COL27A1: variants seen among roughly 807,000 people sequenced by gnomAD.
COL27A1 encodes the protein collagen alpha-1(XXVII) chain.
Under a neutral mutation model 251.3 loss-of-function variants are expected in COL27A1, and 106 were observed. That is an observed-to-expected ratio of 0.42 (90% confidence interval 0.36 to 0.50). The LOEUF (loss-of-function observed/expected upper bound fraction) is 0.50, where lower values mean the gene tolerates loss of function less well. COL27A1 is among the 20% of genes least tolerant of loss of function. The pLI, the probability that COL27A1 is intolerant of heterozygous loss-of-function variation, is 0.00. For missense variants in COL27A1, 2,325 were observed against 2,522.8 expected (o/e 0.92, Z 1.68); for synonymous variants, 1,000 against 986.3 (o/e 1.01, Z -0.26).
chr9:114,289,169 C>CCCGGGG, intron 44 of COL27A1, 73 bp from the exon 45 acceptor site: 1 of 1,441,828 alleles, frequency 6.9e-7, no homozygotes, highest in Non-Finnish European at 9.5e-7. Context: ...CCTCCCCCTC[C>CCCGGGG]AGGCGGAGAC....
intron 2 of COL27A1, among the ~76,000 whole-genome samples, chr9:114,164,747 G>T (rs760835033): frequency 6.6e-6 from 1 of 152,202 alleles, no homozygotes; most frequent in African/African-American, 2.4e-5. Context: ...ATGATAATAA[G>T]AGGGTTTCAG....
Position 114,198,238 on chromosome 9 carries a change from T to C in COL27A1, c.2124+2226T>C, listed in dbSNP as rs1588639320. Among the ~76,000 whole-genome samples the C allele has an allele frequency of 2.0e-5, 3 of 152,358 alleles. 1 individual carries two copies. The South Asian group carries it at 6.2e-4, about 32-fold the overall frequency. ...TGAATGCCTATAATGTGCCAGCCAC[T>C]GAGCTGAATGGACAAAAATCCCTGC... is the stretch of plus-strand genomic sequence containing the variant. On this transcript the variant is annotated intron_variant, in intron 7 of 60. Coordinates refer to ENST00000356083, the MANE Select transcript of COL27A1 (RefSeq NM_032888.4).
At chr9:114,298,033 G>A (rs1828372350) in intron 49 of COL27A1, among the ~76,000 whole-genome samples, 1 of 151,858 alleles carries the variant, frequency 6.6e-6, no homozygotes, top group Non-Finnish European at 1.5e-5. Flanking sequence ...GGGCATGGTG[G>A]CATGTGCCTA....
At chr9:114,299,155 T>C (rs907654483) in intron 49 of COL27A1, among the ~76,000 whole-genome samples, 2 of 152,194 alleles carry the variant, frequency 1.3e-5, no homozygotes, top group Admixed American at 6.5e-5. Flanking sequence ...CCATCAGCAC[T>C]GGGTCTTGAC....
chr9:114,269,443 C>G, intron 35 of COL27A1, 149 bp downstream of exon 35: 1 of 552,348 alleles, frequency 1.8e-6, no homozygotes, highest in South Asian at 2.8e-5. Context: ...CCCAGTCTCT[C>G]TTGGTAGGCC....
rs369421502 is a variant in COL27A1 at position 114,168,442 on chromosome 9, C to G, written c.887C>G (p.Thr296Arg). 1 of 1,613,864 alleles carries G rather than the reference C, an allele frequency of 6.2e-7. No individual in the cohort carries two copies. Among genetic ancestry groups the G allele is most frequent in the Non-Finnish European group, 8.5e-7 (1 of 1,179,924 alleles). Reference sequence around the variant, plus strand: ...CCCAGGGGGACTGTGGCACCCGCCACGCCCACCAAGCCCCAAAGGACTAGC... The same window carrying G: ...CCCAGGGGGACTGTGGCACCCGCCAGGCCCACCAAGCCCCAAAGGACTAGC... Reference protein sequence around the residue: ...RGPRGTVAPATPTKPQRTSPT... With the variant: ...RGPRGTVAPARPTKPQRTSPT... The change falls in exon 3 of 61, where the codon ACG becomes AGG. Residue 296 changes from threonine (T) to arginine (R), a missense_variant. Transcript: ENST00000356083.
At position 114,290,226 on chromosome 9, in the gene COL27A1, C is replaced by A; in HGVS notation, c.4263C>A (p.Gly1421=). 6.4e-7 allele frequency: 1 copy of A among 1,560,588 alleles called. No individual in the cohort carries two copies. Among genetic ancestry groups the A allele is most frequent in the South Asian group, 1.2e-5 (1 of 86,252 alleles). ...CCAGCTTTTTATGTACCCCCCAGGG[C>A]CTGCAGGGGCTGCCAGGGCCCCGGG... ...AGAPGRRGVQ[G]LQGLPGPRGV... is the part of the protein sequence containing the mutation. The change falls in exon 47 of 61, where the codon GGC becomes GGA. Residue 1421 remains glycine (G), a splice_region_variant and synonymous_variant. Transcript: ENST00000356083. This position sits in a 1 kb window ranked among gnomAD's most constrained non-coding sequence, Gnocchi z 4.6.
intron 27 of COL27A1, among the ~76,000 whole-genome samples, chr9:114,253,796 G>A (rs1242608615): frequency 6.6e-6 from 1 of 152,188 alleles, no homozygotes; most frequent in Non-Finnish European, 1.5e-5. Flanking sequence ...TTGTTCCCTG[G>A]AAGCATTTTG....
chr9:114,280,876 G>GC (rs1312956561), intron 37 of COL27A1, among the ~76,000 whole-genome samples: 1 of 152,198 alleles, frequency 6.6e-6, no homozygotes, highest in Non-Finnish European at 1.5e-5. Flanking sequence ...ATCAAAGCCA[G>GC]CCGCCCCATA....
intron 44 of COL27A1, 85 bp downstream of exon 44, chr9:114,289,052 C>G: frequency 2.7e-6 from 4 of 1,505,890 alleles, no homozygotes; most frequent in Non-Finnish European, 3.7e-6. Context: ...CCCTTTAAAG[C>G]TTAAAGGGAC....
At chr9:114,292,040 G>T in intron 48 of COL27A1, 63 bp from the exon 49 acceptor site, 1 of 1,410,066 alleles carries the variant, frequency 7.1e-7, no homozygotes, top group Non-Finnish European at 9.8e-7. Context: ...GGCCCCCTCC[G>T]CCTCCTCCTG....
chr9:114,278,642 A>G (rs1337089539), intron 37 of COL27A1, among the ~76,000 whole-genome samples: 2 of 149,582 alleles, frequency 1.3e-5, no homozygotes, highest in East Asian at 4.1e-4. Context: ...GGTAGTGGTG[A>G]TGATGATGGT....
At chr9:114,203,895 C>G (rs372456632) in intron 7 of COL27A1, among the ~76,000 whole-genome samples, 1 of 152,028 alleles carries the variant, frequency 6.6e-6, no homozygotes, top group Admixed American at 6.5e-5. Context: ...TCAGAGTAGG[C>G]GTCTTCAGTT....
At chr9:114,178,425 CTG>C (rs1449186117) in intron 4 of COL27A1, 81 bp downstream of exon 4, 13 of 1,292,008 alleles carry the variant, frequency 1.0e-5, no homozygotes, top group Middle Eastern at 1.9e-4. Context: ...CTCGGGTTTG[CTG>C]TGTGTCCTCA....
intron 24 of COL27A1, among the ~76,000 whole-genome samples, chr9:114,247,888 T>G (rs560422131): frequency 6.6e-6 from 1 of 152,046 alleles, no homozygotes; most frequent in South Asian, 2.1e-4. Flanking sequence ...GTAATCACAG[T>G]TTTTAGCATT....
intron 14 of COL27A1, 43 bp downstream of exon 14, chr9:114,222,310 G>T (rs1161794091): frequency 6.3e-7 from 1 of 1,578,854 alleles, no homozygotes. Flanking sequence ...GTGTTGAGGA[G>T]ACTCAGGGTG....
At chr9:114,160,553 A>G (rs1217345432) in intron 1 of COL27A1, among the ~76,000 whole-genome samples, 1 of 152,014 alleles carries the variant, frequency 6.6e-6, no homozygotes, top group Non-Finnish European at 1.5e-5. Context: ...GGCTGGAAAT[A>G]TAAGCCCGGC....
chr9:114,224,147 A>G (rs1564489804), intron 14 of COL27A1, among the ~76,000 whole-genome samples: 1 of 152,224 alleles, frequency 6.6e-6, no homozygotes, highest in South Asian at 2.1e-4. Flanking sequence ...ATTGACCTAA[A>G]TGCTTTGGAA....
chr9:114,160,717 C>G (rs1056933038), intron 1 of COL27A1, among the ~76,000 whole-genome samples: 4 of 151,932 alleles, frequency 2.6e-5, no homozygotes, highest in African/African-American at 4.8e-5. Flanking sequence ...AGACAGGCAT[C>G]CTTGCCCTTT....
Sources: gnomAD v4.1 joint callset for allele counts (sites outside exome capture counted in the v4.1 genomes callset) on GRCh38, gnomAD v4.1.1 for gene constraint, Gnocchi (gnomAD v3.1) non-coding constraint, MANE v1.5 for transcripts, NCBI Gene and HGNC (gene_info 2026-07-23, HGNC 2026-07-21) for gene names.